The following ZNF205 variants were observed in gnomAD, a reference collection of about 807,000 sequenced individuals.
The protein encoded by ZNF205 is transcriptional repressor RHIT.
ZNF205 carries 32 observed loss-of-function variants against 53.6 expected under a neutral mutation model. The ratio of observed to expected loss-of-function variants is 0.60; its 90% CI spans 0.45 to 0.80. The LOEUF (loss-of-function observed/expected upper bound fraction) is 0.80. Among genes scored for constraint, ZNF205 ranks in the 30% least tolerant of loss-of-function variants. The pLI is 0.00. For synonymous variants in ZNF205, 382 were observed against 334.3 expected, an observed-to-expected ratio of 1.14 and a Z score of -1.56; for missense variants, 836 against 782.4, an observed-to-expected ratio of 1.07 and a Z score of -0.82.
rs773045121 is a variant in ZNF205 at position 3,120,105 on chromosome 16, G to A, written c.1445G>A (p.Gly482Asp). 6.2e-6 allele frequency: 10 copies of A among 1,613,656 alleles called. No homozygotes were observed. The highest frequency in any genetic ancestry group is 8.5e-6 in the Non-Finnish European group (10 of 1,179,824). ...GEKPYHCLDC[G>D]KSFSHSSHLT... ...AAGCCCTACCACTGCCTCGACTGCG[G>A]CAAGAGCTTCAGCCACAGCTCGCAC... is the stretch of plus-strand genomic sequence containing the variant. The change falls in exon 7 of 7, where the codon GGC (glycine) becomes GAC (aspartate). Residue 482 changes from glycine (G) to aspartate (D), a missense_variant. Transcript: ENST00000219091.
intron 5 of ZNF205, among the ~76,000 whole-genome samples, chr16:3,117,256 G>T (rs1957357334): frequency 6.6e-6 from 1 of 152,120 alleles, no homozygotes; most frequent in South Asian, 2.1e-4. Context: ...AACTTCAGAG[G>T]TGTCTGAGCA....
intron 5 of ZNF205, among the ~76,000 whole-genome samples, chr16:3,116,996 G>T (rs113617926): frequency 6.6e-6 from 1 of 152,044 alleles, no homozygotes; most frequent in Non-Finnish European, 1.5e-5. Context: ...GGGTTTCACC[G>T]TGTTAGCCAG....
rs772722968 is a variant in ZNF205, at chr16:3,119,400, C to G, written c.740C>G (p.Pro247Arg). ...QEAACGRSSG[P>R]AKDSGQPAEP... Reference sequence around the variant, plus strand: ...GCAGCCTGCGGCCGGAGCTCAGGGCCGGCCAAAGACTCCGGGCAGCCGGCT... The same window carrying G: ...GCAGCCTGCGGCCGGAGCTCAGGGCGGGCCAAAGACTCCGGGCAGCCGGCT... Residue 247 changes from proline to arginine, a missense_variant, in exon 7 of 7, where the codon CCG becomes CGG. By Grantham distance (103) the Pro-to-Arg change is moderately radical. Coordinates refer to ENST00000219091, the MANE Select transcript of ZNF205 (RefSeq NM_001042428.2). The G allele has an allele frequency of 3.5e-5, 57 of 1,609,998 alleles. No homozygotes were observed. Among genetic ancestry groups the G allele is most frequent in the Non-Finnish European group, 4.8e-5 (56 of 1,178,814 alleles).
chr16:3,115,986 A>G, intron 4 of ZNF205, 66 bp downstream of exon 4: 1 of 1,523,866 alleles, frequency 6.6e-7, no homozygotes, highest in East Asian at 2.4e-5. Context: ...GTTCTGTGTG[A>G]AAGCCAGGAC....
rs199538561 is a variant in ZNF205 at position 3,118,888 on chromosome 16, C to T, written c.485-17C>T. On this transcript the variant is annotated splice_polypyrimidine_tract_variant and intron_variant, in intron 5 of 6. Coordinates refer to ENST00000219091, the MANE Select transcript of ZNF205 (RefSeq NM_001042428.2). ...CGCCAGAAGGCCTGTGACAGCACAG[C>T]ATCTCTTTCTGGGCAGGCTTTCCCT... The T allele has an allele frequency of 6.2e-7, 1 of 1,611,966 alleles. No homozygotes were observed. The highest frequency in any genetic ancestry group is 1.1e-5 in the South Asian group (1 of 90,932).
intron 6 of ZNF205, 92 bp from the exon 7 acceptor site, chr16:3,119,164 A>C: frequency 6.6e-7 from 1 of 1,508,220 alleles, no homozygotes; most frequent in South Asian, 1.3e-5. Flanking sequence ...GGTCTCTGAG[A>C]ATCCAGCCCC....
rs954168025 is a variant in ZNF205 at position 3,116,602 on chromosome 16, C to T, written c.484+55C>T. 5.7e-6 allele frequency: 9 copies of T among 1,580,740 alleles called. No individual in the cohort carries two copies. In the African/African-American group the frequency reaches 8.1e-5, roughly 14 times the overall value. On this transcript the variant is annotated intron_variant, in intron 5 of 6. Transcript: ENST00000219091. ...GTGTTAGGGAGAGGTCCTGCTCTGC[C>T]GTCTCCTCTTTCCTCCCTTCCCTCC...
In ZNF205 at chr16:3,120,509, G is replaced by A. The variant is rs1957416158; in HGVS notation, c.*184G>A. 2.7e-6 allele frequency: 2 copies of A among 737,334 alleles called. No individual in the cohort carries two copies. The highest frequency in any genetic ancestry group is 4.3e-6 in the Non-Finnish European group (2 of 467,138). The allele number at this position is 737,334 out of a possible 1,614,324, so 45.7% of individuals were successfully genotyped here. On this transcript the variant is annotated 3_prime_UTR_variant, in exon 7 of 7. Coordinates refer to ENST00000219091, the MANE Select transcript of ZNF205 (RefSeq NM_001042428.2). ...AGGCACTCTGCGAATTAAAGGCCTT[G>A]GACTTGAAGCGCCCGCCTACACAGC... is the stretch of plus-strand genomic sequence containing the variant.
At chr16:3,113,859 T>A (rs1372917598) in intron 2 of ZNF205, among the ~76,000 whole-genome samples, 2 of 152,144 alleles carry the variant, frequency 1.3e-5, no homozygotes, top group Admixed American at 1.3e-4. Flanking sequence ...TTCTCCTTCC[T>A]GTACCTGCTA....
chr16:3,115,283 C>T (rs979703150), intron 2 of ZNF205, 72 bp from the exon 3 acceptor site: 53 of 1,243,808 alleles, frequency 4.3e-5, no homozygotes, highest in East Asian at 8.5e-5. Flanking sequence ...CCGACGCTGC[C>T]GGAGCGCACT....
At chr16:3,113,843 G>A (rs181780166) in intron 2 of ZNF205, among the ~76,000 whole-genome samples, 2 of 152,158 alleles carry the variant, frequency 1.3e-5, no homozygotes, top group South Asian at 2.1e-4. Context: ...CTGAGCTCCC[G>A]GTCCTTTCTC....
chr16:3,116,014 C>A, intron 4 of ZNF205, 94 bp downstream of exon 4: 2 of 1,325,738 alleles, frequency 1.5e-6, no homozygotes, highest in Non-Finnish European at 2.1e-6. Context: ...GCCCCACTTG[C>A]AGCCAAGCCT....
intron 5 of ZNF205, among the ~76,000 whole-genome samples, chr16:3,117,852 CTTTT>C (rs35351001): frequency 7.5e-6 from 1 of 132,966 alleles, no homozygotes. Context: ...TGACGCTTAG[CTTTT>C]TTTTTTTTTT....
At position 3,115,447 on chromosome 16, in the gene ZNF205, G is replaced by C; in HGVS notation, c.150G>C (p.Lys50Asn). ...SGDTQESLHI[K>N]MEPEEPHSEG... is the part of the protein sequence containing the mutation. ...ACACTCAGGAGTCACTGCACATTAA[G>C]ATGGAGCCCGAAGAGCCACACTCCG... The change falls in exon 3 of 7, where the codon AAG becomes AAC. Residue 50 changes from lysine (K) to asparagine (N), a missense_variant. Transcript: ENST00000219091. 2 of 1,612,526 alleles carry C rather than the reference G, an allele frequency of 1.2e-6. No individual in the cohort carries two copies. Among genetic ancestry groups the C allele is most frequent in the Non-Finnish European group, 1.7e-6 (2 of 1,179,236 alleles).
rs770044131 is a variant in ZNF205 at position 3,115,521 on chromosome 16, C to A, written c.224C>A (p.Pro75His). ...DGAQGAWGWA[P>H]LSHGSKEKAL... Reference sequence around the variant, plus strand: ...GCTCAAGGTGCCTGGGGCTGGGCACCCCTAAGTCACGGCTCTAAGGAGAAA... The same window carrying A: ...GCTCAAGGTGCCTGGGGCTGGGCACACCTAAGTCACGGCTCTAAGGAGAAA... The change falls in exon 3 of 7, where the codon CCC (proline) becomes CAC (histidine). Residue 75 changes from proline to histidine, a missense_variant. Pro to His is a moderately conservative substitution (Grantham distance 77). Coordinates refer to ENST00000219091, the MANE Select transcript of ZNF205 (RefSeq NM_001042428.2). 1 of 1,601,850 alleles carries A rather than the reference C, an allele frequency of 6.2e-7. No individual in the cohort carries two copies. The highest frequency in any genetic ancestry group is 8.5e-7 in the Non-Finnish European group (1 of 1,175,614).
Position 3,120,510 on chromosome 16 carries a change from G to T in ZNF205, c.*185G>T. On this transcript the variant is annotated 3_prime_UTR_variant, in exon 7 of 7. Coordinates refer to ENST00000219091, the MANE Select transcript of ZNF205 (RefSeq NM_001042428.2). ...GGCACTCTGCGAATTAAAGGCCTTG[G>T]ACTTGAAGCGCCCGCCTACACAGCT... 1.4e-6 allele frequency: 1 copy of T among 725,882 alleles called. No individual in the cohort carries two copies. The highest frequency in any genetic ancestry group is 2.2e-6 in the Non-Finnish European group (1 of 456,712). 45.0% of individuals were successfully genotyped at this position (725,882 alleles called of 1,614,324 possible). A position where few individuals can be genotyped will look rare whatever the true frequency, so the allele number is the denominator to read the frequency against.
intron 5 of ZNF205, among the ~76,000 whole-genome samples, chr16:3,117,281 G>A (rs934186138): frequency 6.6e-6 from 1 of 152,034 alleles, no homozygotes; most frequent in Non-Finnish European, 1.5e-5. Flanking sequence ...GCTTGGCTTC[G>A]GGGCCCGAGG....
At chr16:3,113,612 G>A in intron 2 of ZNF205, 125 bp downstream of exon 2, 1 of 1,062,320 alleles carries the variant, frequency 9.4e-7, no homozygotes, top group Non-Finnish European at 1.4e-6. Context: ...TCAAAGAGAA[G>A]GTGGCATGCT....
At chr16:3,114,792 T>G (rs1261000930) in intron 2 of ZNF205, 1 of 152,314 alleles carries the variant, frequency 6.6e-6, no homozygotes, top group Non-Finnish European at 1.5e-5. Flanking sequence ...GACCCTCCCT[T>G]ACCTCTTCCA....
Sources: gnomAD v4.1 joint callset for allele counts (sites outside exome capture counted in the v4.1 genomes callset) on GRCh38, gnomAD v4.1.1 for gene constraint, MANE v1.5 for transcripts, NCBI Gene and HGNC (gene_info 2026-07-23, HGNC 2026-07-21) for gene names.